The following RNF220 variants were observed in gnomAD, a reference collection of about 807,000 sequenced individuals.
The protein encoded by RNF220 is ring finger protein 220.
In RNF220, 7 loss-of-function variants were observed where a neutral mutation model predicts 67.1. The observed-to-expected ratio is 0.10, with a 90% confidence interval of 0.06 to 0.20. RNF220 has a LOEUF of 0.20. Ranked by LOEUF, RNF220 falls within the 10% of genes least tolerant of loss-of-function variation. The pLI, the probability that RNF220 is intolerant of heterozygous loss-of-function variation, is 1.00. For missense variants in RNF220, 565 were observed against 740.3 expected (o/e 0.76, Z 2.75); for synonymous variants, 270 against 283.2 (o/e 0.95, Z 0.47).
chr1:44,504,876 T>A (rs1658271700), intron 2 of RNF220, among the ~76,000 whole-genome samples: 1 of 152,156 alleles, frequency 6.6e-6, no homozygotes, highest in Non-Finnish European at 1.5e-5. Context: ...CCTTTCACCT[T>A]GAGCTAGAAA....
intron 2 of RNF220, among the ~76,000 whole-genome samples, chr1:44,575,795 T>C (rs1271012820): frequency 3.3e-5 from 5 of 152,230 alleles, no homozygotes; most frequent in African/African-American, 1.2e-4. Flanking sequence ...ATCCCACTAC[T>C]GGGTATTTAT....
At chr1:44,545,975 A>G (rs1662109335) in intron 2 of RNF220, among the ~76,000 whole-genome samples, 2 of 152,050 alleles carry the variant, frequency 1.3e-5, no homozygotes, top group South Asian at 4.1e-4. Context: ...ATGTTCTCCT[A>G]CCTCATTGCA....
intron 1 of RNF220, among the ~76,000 whole-genome samples, chr1:44,409,182 G>A (rs1383242072): frequency 1.3e-5 from 2 of 150,530 alleles, no homozygotes; most frequent in Non-Finnish European, 2.9e-5. Context: ...AGGGTCAGGA[G>A]TGTGATTTAA....
In RNF220 at chr1:44,416,121, C is replaced by T. The variant is rs186760647; in HGVS notation, c.625+3399C>T. ...TTGTGCTCTATGGAAAAACAAGCAGCCTTTACTCTGCAGGACTGACTTACT... is the reference window on the plus strand; with the variant it reads ...TTGTGCTCTATGGAAAAACAAGCAGTCTTTACTCTGCAGGACTGACTTACT... On this transcript the variant is annotated intron_variant, in intron 2 of 14. Coordinates refer to ENST00000361799, the MANE Select transcript of RNF220 (RefSeq NM_018150.4). Among the ~76,000 whole-genome samples the T allele has an allele frequency of 9.8e-4, 149 of 152,272 alleles. 2 individuals carry two copies. Among genetic ancestry groups the T allele is most frequent in the African/African-American group, 3.4e-3 (140 of 41,538 alleles).
chr1:44,452,671 A>G (rs1386294852), intron 2 of RNF220, among the ~76,000 whole-genome samples: 4 of 151,716 alleles, frequency 2.6e-5, no homozygotes, highest in Non-Finnish European at 5.9e-5. Context: ...GAGTTTCACC[A>G]TGTTGACCAG....
In RNF220 at chr1:44,640,878, C is replaced by T. The variant is rs893350349; in HGVS notation, c.1127-3820C>T. Among the ~76,000 whole-genome samples, 4 of 152,190 alleles carry T rather than the reference C, an allele frequency of 2.6e-5. No individual in the cohort carries two copies. In the East Asian group the frequency reaches 5.8e-4, roughly 22 times the overall value. On this transcript the variant is annotated intron_variant, in intron 8 of 14. Transcript: ENST00000361799. ...GAGAGCACAGGCCCCTGGAGGGCCC[C>T]GAGACGTTTCCTTTCTCCCTGGGCT...
At chr1:44,612,339 A>C (rs1643348924) in intron 2 of RNF220, among the ~76,000 whole-genome samples, 2 of 152,264 alleles carry the variant, frequency 1.3e-5, no homozygotes, top group Admixed American at 1.3e-4. Context: ...AAGATAGATA[A>C]GAAATGGTCT....
intron 2 of RNF220, among the ~76,000 whole-genome samples, chr1:44,594,405 C>T (rs796336281): frequency 3.0e-4 from 45 of 152,280 alleles, no homozygotes; most frequent in African/African-American, 8.7e-4. Context: ...TGGAGCCCAT[C>T]GGGCAGAGCA....
intron 5 of RNF220, chr1:44,632,006 TGCC>T: frequency 7.8e-6 from 8 of 1,022,122 alleles, no homozygotes; most frequent in African/African-American, 1.7e-5. Context: ...GGAGCTGAAG[TGCC>T]GCCGCCGCCG....
At chr1:44,429,206 T>C (rs555596431) in intron 2 of RNF220, among the ~76,000 whole-genome samples, 1 of 152,218 alleles carries the variant, frequency 6.6e-6, no homozygotes, top group East Asian at 1.9e-4. Flanking sequence ...AATAACAATT[T>C]TGAGCAATTG....
At chr1:44,556,586 G>A (rs1202292083) in intron 2 of RNF220, among the ~76,000 whole-genome samples, 2 of 147,520 alleles carry the variant, frequency 1.4e-5, no homozygotes, top group Admixed American at 6.7e-5. Context: ...TTTTGACAGA[G>A]TCTGGCTCTG....
intron 2 of RNF220, among the ~76,000 whole-genome samples, chr1:44,431,793 G>C (rs1650412562): frequency 6.6e-6 from 1 of 152,196 alleles, no homozygotes; most frequent in African/African-American, 2.4e-5. Context: ...AGTCTGGAGA[G>C]CACAGAGCCA....
intron 2 of RNF220, among the ~76,000 whole-genome samples, chr1:44,502,153 TCTCTCA>T (rs1168602435): frequency 5.3e-4 from 62 of 116,896 alleles, no homozygotes; most frequent in Middle Eastern, 4.3e-3. Context: ...TCTCTCTCTC[TCTCTCA>T]CACACACACA....
chr1:44,467,039 T>C (rs776957346), intron 2 of RNF220, among the ~76,000 whole-genome samples: 6 of 152,238 alleles, frequency 3.9e-5, no homozygotes, highest in Non-Finnish European at 7.3e-5. Context: ...TCATCTACAT[T>C]GAAAACACAT....
At chr1:44,640,590 G>A (rs888471576) in intron 8 of RNF220, among the ~76,000 whole-genome samples, 2 of 152,240 alleles carry the variant, frequency 1.3e-5, no homozygotes, top group Non-Finnish European at 2.9e-5. Flanking sequence ...GTGAGGCAGT[G>A]AAACGCGTTA....
At chr1:44,453,951 T>G (rs947051685) in intron 2 of RNF220, among the ~76,000 whole-genome samples, 5 of 152,210 alleles carry the variant, frequency 3.3e-5, no homozygotes, top group African/African-American at 9.6e-5. Flanking sequence ...CATTTTGTTA[T>G]TAATAGTTGC....
chr1:44,405,632 G>A, intron 1 of RNF220, 102 bp downstream of exon 1: 1 of 269,670 alleles, frequency 3.7e-6, no homozygotes. Context: ...TTCCGGGTCC[G>A]TTTCCTAGGG....
At chr1:44,481,111 G>A (rs536311886) in intron 2 of RNF220, among the ~76,000 whole-genome samples, 2 of 152,248 alleles carry the variant, frequency 1.3e-5, no homozygotes, top group East Asian at 3.9e-4. Flanking sequence ...ACAACACCTT[G>A]GAGGTGTCTG....
chr1:44,531,323 A>G (rs1372670091), intron 2 of RNF220, among the ~76,000 whole-genome samples: 1 of 152,194 alleles, frequency 6.6e-6, no homozygotes, highest in Non-Finnish European at 1.5e-5. Flanking sequence ...CCATGATTCC[A>G]TGGCTTTGCA....
Sources: gnomAD v4.1 joint callset for allele counts (sites outside exome capture counted in the v4.1 genomes callset) on GRCh38, gnomAD v4.1.1 for gene constraint, MANE v1.5 for transcripts, NCBI Gene and HGNC (gene_info 2026-07-23, HGNC 2026-07-21) for gene names.